INPP5A: variants seen among roughly 807,000 people sequenced by gnomAD.
The protein encoded by INPP5A is 43 kDa inositol polyphosphate 5-phophatase.
A neutral mutation model predicts 65.2 loss-of-function variants in INPP5A; 14 were observed. The ratio of observed to expected loss-of-function variants is 0.21; its 90% CI spans 0.14 to 0.34. INPP5A has a LOEUF of 0.34. Among genes scored for constraint, INPP5A ranks in the 10% least tolerant of loss-of-function variants. The probability of loss-of-function intolerance (pLI) is 1.00; values close to 1 mark genes in which losing one functional copy is unlikely to be tolerated. For missense variants in INPP5A, 431 were observed against 545.6 expected, an observed-to-expected ratio of 0.79 and a Z score of 2.09; for synonymous variants, 207 against 208.3, an observed-to-expected ratio of 0.99 and a Z score of 0.05.
intron 2 of INPP5A, among the ~76,000 whole-genome samples, chr10:132,634,240 C>T (rs927044956): frequency 1.3e-5 from 2 of 151,706 alleles, no homozygotes; most frequent in Non-Finnish European, 2.9e-5. Context: ...GGGTGTGCCC[C>T]GGAGAGGCGT....
At chr10:132,720,216 G>C (rs1590954543) in intron 8 of INPP5A, among the ~76,000 whole-genome samples, 1 of 151,086 alleles carries the variant, frequency 6.6e-6, no homozygotes. Flanking sequence ...TGTGGCACCT[G>C]GGTTCTGTCT....
intron 9 of INPP5A, among the ~76,000 whole-genome samples, chr10:132,734,519 C>G (rs1224657442): frequency 2.6e-5 from 4 of 152,224 alleles, no homozygotes; most frequent in Non-Finnish European, 5.9e-5. Context: ...CTTTTTCACA[C>G]AGGCCTGTGG....
Position 132,538,218 on chromosome 10 carries a change from C to T in INPP5A, c.75+47C>T. 1 of 1,160,126 alleles carries T rather than the reference C, an allele frequency of 8.6e-7. No individual in the cohort carries two copies. Among genetic ancestry groups the T allele is most frequent in the Non-Finnish European group, 1.1e-6 (1 of 917,274 alleles). 71.9% of individuals were successfully genotyped at this position (1,160,126 alleles called of 1,614,324 possible). A position where few individuals can be genotyped will look rare whatever the true frequency, so the allele number is the denominator to read the frequency against. On this transcript the variant is annotated intron_variant, in intron 1 of 15. Transcript: ENST00000368594. The surrounding 1 kb of genome is among the most constrained non-coding windows in gnomAD (Gnocchi z 4.1). The stretch of plus-strand genomic sequence containing the variant: ...CAGGCCCCAAGCCCGGAACCCCCGA[C>T]CCTGACCCCGGGGTCCCGAACTGCA...
chr10:132,610,332 C>T (rs1407321791), intron 2 of INPP5A, among the ~76,000 whole-genome samples: 1 of 152,124 alleles, frequency 6.6e-6, no homozygotes, highest in East Asian at 1.9e-4. Flanking sequence ...CCCCTCTGCC[C>T]CTGCAGCTCT....
At chr10:132,554,845 G>T (rs1590825143) in intron 1 of INPP5A, among the ~76,000 whole-genome samples, 2 of 149,924 alleles carry the variant, frequency 1.3e-5, no homozygotes, top group Non-Finnish European at 3.0e-5. Flanking sequence ...ATCGGTGTGG[G>T]TGGTGTGATC....
intron 2 of INPP5A, among the ~76,000 whole-genome samples, chr10:132,635,981 G>GAAAAA (rs1175668269): frequency 2.2e-5 from 1 of 44,540 alleles, no homozygotes; most frequent in African/African-American, 1.0e-4. Flanking sequence ...CTATCTCAAA[G>GAAAAA]ACAAAAAAAA....
intron 11 of INPP5A, among the ~76,000 whole-genome samples, chr10:132,763,437 G>C (rs1391304192): frequency 6.6e-6 from 1 of 152,280 alleles, no homozygotes; most frequent in African/African-American, 2.4e-5. Flanking sequence ...ATGACCTAGA[G>C]ATGATGCGTG....
At chr10:132,726,604 C>T (rs369851693) in intron 8 of INPP5A, among the ~76,000 whole-genome samples, 6 of 152,158 alleles carry the variant, frequency 3.9e-5, no homozygotes, top group African/African-American at 9.7e-5. Context: ...GATGCGTGTC[C>T]GTGTTGCCAA....
At chr10:132,691,926 T>C in intron 5 of INPP5A, among the ~76,000 whole-genome samples, 2 of 144,074 alleles carry the variant, frequency 1.4e-5, no homozygotes, top group African/African-American at 2.6e-5. Flanking sequence ...GGTCGCGGGG[T>C]GTGCGGTCGC....
intron 8 of INPP5A, among the ~76,000 whole-genome samples, chr10:132,721,088 G>C (rs1845867170): frequency 7.0e-6 from 1 of 142,600 alleles, no homozygotes; most frequent in Admixed American, 7.3e-5. Flanking sequence ...GTGGTACCTG[G>C]GTTCTGCCTG....
chr10:132,547,281 T>G lies in INPP5A; in HGVS notation c.75+9110T>G, dbSNP rs572354150. ...CGTGGCTGTCACATGGTTTCTGGAC[T>G]GTCAGCCTTTGGGCTGAGTGAGGCG... On this transcript the variant is annotated intron_variant, in intron 1 of 15. Transcript: ENST00000368594. This position sits in a 1 kb window ranked among gnomAD's most constrained non-coding sequence, Gnocchi z 5.5. 1.3e-5 allele frequency among the ~76,000 whole-genome samples: 2 copies of G among 152,328 alleles called. No individual in the cohort carries two copies. The highest frequency in any genetic ancestry group is 2.1e-4 in the South Asian group (1 of 4,832).
chr10:132,700,295 G>T (rs1590935356), intron 6 of INPP5A, among the ~76,000 whole-genome samples: 1 of 152,352 alleles, frequency 6.6e-6, no homozygotes, highest in African/African-American at 2.4e-5. Context: ...GTGGTCAGCT[G>T]CTCAGCAGAT....
At position 132,545,221 on chromosome 10, in the gene INPP5A, G is replaced by A. The variant is rs1277790353; in HGVS notation, c.75+7050G>A. Reference sequence around the variant, plus strand: ...TTTGGGGGAAGAGGCTGGTACTGGGGTGTTTCCGTGGACTTGTTGGGTCTG... The same window carrying A: ...TTTGGGGGAAGAGGCTGGTACTGGGATGTTTCCGTGGACTTGTTGGGTCTG... On this transcript the variant is annotated intron_variant, in intron 1 of 15. Transcript: ENST00000368594. The surrounding 1 kb of genome is among the most constrained non-coding windows in gnomAD (Gnocchi z 4.6). 6.6e-6 allele frequency among the ~76,000 whole-genome samples: 1 copy of A among 152,168 alleles called. No individual in the cohort carries two copies. Among genetic ancestry groups the A allele is most frequent in the Non-Finnish European group, 1.5e-5 (1 of 68,030 alleles).
At chr10:132,758,883 G>A (rs1293175360) in intron 11 of INPP5A, among the ~76,000 whole-genome samples, 3 of 152,330 alleles carry the variant, frequency 2.0e-5, no homozygotes, top group Non-Finnish European at 4.4e-5. Context: ...TGTCTCCTGA[G>A]CGTCGGGTTT....
At chr10:132,631,623 G>A (rs994256585) in intron 2 of INPP5A, among the ~76,000 whole-genome samples, 1 of 152,210 alleles carries the variant, frequency 6.6e-6, no homozygotes, top group Non-Finnish European at 1.5e-5. Flanking sequence ...TTTTAACACC[G>A]AGTCTTGGCC....
rs1428644319 is a variant in INPP5A, at chr10:132,670,042, T to TGCCCTCAC, written c.306+19538_306+19545dup. Among the ~76,000 whole-genome samples, 11 of 60,224 alleles carry TGCCCTCAC rather than the reference T, an allele frequency of 1.8e-4. 1 individual carries two copies. In the East Asian group the frequency reaches 5.3e-3, roughly 29 times the overall value. 39.5% of individuals were successfully genotyped at this position (60,224 alleles called of 152,430 possible). On this transcript the variant is annotated intron_variant, in intron 4 of 15. Coordinates refer to ENST00000368594, the MANE Select transcript of INPP5A (RefSeq NM_005539.5). ...ACTGACCCCACACCCCCAGCCCCCA[T>TGCCCTCAC]GCCCTCACTGCACACGTTCTCAGCC... is the stretch of plus-strand genomic sequence containing the variant.
chr10:132,601,321 T>C (rs2071774702), intron 1 of INPP5A, among the ~76,000 whole-genome samples: 1 of 152,238 alleles, frequency 6.6e-6, no homozygotes, highest in Admixed American at 6.5e-5. Context: ...ACTGTTTAAG[T>C]CCTCTTCCTA....
At chr10:132,714,360 C>T (rs1044391843) in intron 8 of INPP5A, among the ~76,000 whole-genome samples, 2 of 152,224 alleles carry the variant, frequency 1.3e-5, no homozygotes, top group Non-Finnish European at 2.9e-5. Flanking sequence ...CTGCTAACCT[C>T]TTGGCAGCCA....
intron 1 of INPP5A, among the ~76,000 whole-genome samples, chr10:132,542,154 G>C (rs1028534929): frequency 2.0e-5 from 3 of 152,156 alleles, no homozygotes; most frequent in Non-Finnish European, 4.4e-5. Flanking sequence ...GCCCGCTGGC[G>C]GGTATCTGCC....
Sources: allele counts gnomAD v4.1 joint callset (sites outside exome capture counted in the v4.1 genomes callset), GRCh38; gene constraint gnomAD v4.1.1; non-coding constraint Gnocchi (gnomAD v3.1); transcripts MANE v1.5; gene names NCBI Gene and HGNC (gene_info 2026-07-23, HGNC 2026-07-21).